Variants in THADA observed in about 807,000 individuals in gnomAD.
THADA encodes the protein THADA armadillo repeat containing.
THADA carries 213 observed loss-of-function variants against 219.8 expected under a neutral mutation model. The observed-to-expected ratio is 0.97, with a 90% confidence interval of 0.87 to 1.09. THADA has a LOEUF of 1.09. THADA is among the 50% of genes least tolerant of loss of function. THADA has a pLI of 0.00. For missense variants in THADA, 2,956 were observed against 2,311.3 expected (o/e 1.28, Z -5.72); for synonymous variants, 1,018 against 828.9 (o/e 1.23, Z -3.92).
Position 43,577,085 on chromosome 2 carries a change from A to G in THADA, c.974T>C (p.Met325Thr). 6.2e-7 allele frequency: 1 copy of G among 1,613,596 alleles called. No homozygotes were observed. The highest frequency in any genetic ancestry group is 1.1e-5 in the South Asian group (1 of 90,872). Residue 325 changes from methionine (M) to threonine (T), a missense_variant, in exon 10 of 38, where the codon ATG becomes ACG. Transcript: ENST00000405975. ...LAMLDWQNGS[M>T]GRSGEALLLD... Reference sequence around the variant, plus strand: ...GAGCAGGGCCTCCCCACTCCGACCCATGCTTCCGTTCTGCCAGTCCAACAT... The same window carrying G: ...GAGCAGGGCCTCCCCACTCCGACCCGTGCTTCCGTTCTGCCAGTCCAACAT...
intron 25 of THADA, among the ~76,000 whole-genome samples, chr2:43,495,364 T>C (rs560590168): frequency 6.6e-6 from 1 of 152,056 alleles, no homozygotes; most frequent in Non-Finnish European, 1.5e-5. Context: ...GAAATAAAAT[T>C]ATTAGTATTA....
At chr2:43,404,620 T>C (rs1382308674) in intron 28 of THADA, among the ~76,000 whole-genome samples, 2 of 152,180 alleles carry the variant, frequency 1.3e-5, no homozygotes, top group Non-Finnish European at 2.9e-5. Context: ...GCATCTCACT[T>C]ACCTTCCCCA....
At chr2:43,595,590 T>C (rs959138552) in intron 1 of THADA, 12 of 152,412 alleles carry the variant, frequency 7.9e-5, no homozygotes, top group Admixed American at 3.3e-4. Context: ...AAATCCCGTG[T>C]CTACCGCAAG....
intron 36 of THADA, among the ~76,000 whole-genome samples, chr2:43,241,498 G>A (rs1267991326): frequency 2.0e-5 from 3 of 148,888 alleles, no homozygotes; most frequent in South Asian, 2.2e-4. Context: ...CAGCTAAACT[G>A]TACTAAACAG....
intron 25 of THADA, among the ~76,000 whole-genome samples, chr2:43,487,099 C>T (rs907007716): frequency 6.6e-6 from 1 of 152,170 alleles, no homozygotes; most frequent in African/African-American, 2.4e-5. Flanking sequence ...ATGTGCCCTG[C>T]CTAATTTAAT....
At chr2:43,353,195 A>G (rs962190695) in intron 29 of THADA, among the ~76,000 whole-genome samples, 11 of 152,208 alleles carry the variant, frequency 7.2e-5, no homozygotes, top group African/African-American at 2.7e-4. Context: ...ACACACCCAG[A>G]AGCAGGATTT....
chr2:43,289,808 C>CA (rs1674475640), intron 34 of THADA, among the ~76,000 whole-genome samples: 1 of 151,936 alleles, frequency 6.6e-6, no homozygotes, highest in Non-Finnish European at 1.5e-5. Flanking sequence ...CATACCACCA[C>CA]ATCTGGCTAA....
intron 11 of THADA, 40 bp from the exon 12 acceptor site, chr2:43,573,032 A>G (rs1699475314): frequency 1.3e-6 from 2 of 1,491,494 alleles, no homozygotes; most frequent in Non-Finnish European, 1.8e-6. Flanking sequence ...GTATTATGCA[A>G]TGACTACTAT....
intron 26 of THADA, among the ~76,000 whole-genome samples, chr2:43,455,025 C>G (rs936563099): frequency 6.6e-6 from 1 of 151,684 alleles, no homozygotes. Flanking sequence ...TTCTTTAGTT[C>G]TACATGTTCT....
At position 43,271,285 on chromosome 2, in the gene THADA, T is replaced by C. The variant is rs542448569; in HGVS notation, c.5296+8480A>G. Among the ~76,000 whole-genome samples the C allele has an allele frequency of 1.3e-4, 20 of 152,306 alleles. No homozygotes were observed. The South Asian group carries it at 3.1e-3, about 24-fold the overall frequency. On this transcript the variant is annotated intron_variant, in intron 36 of 37. Transcript: ENST00000405975. ...GATTTTCTACAGTGGCCAGTCTTAG[T>C]AGATGCTTCATCAGTTCCTCATCAG...
Position 43,430,318 on chromosome 2 carries a change from GA to G in THADA, c.3837-17del. On this transcript the variant is annotated splice_polypyrimidine_tract_variant and intron_variant, in intron 26 of 37. Transcript: ENST00000405975. Reference sequence around the variant, plus strand: ...CCCTGTCATTCTGTGAAAGAAGGAGGAAAAAATTTATTATCATTTATTCCCT... The same window carrying G: ...CCCTGTCATTCTGTGAAAGAAGGAGGAAAAATTTATTATCATTTATTCCCT... 1.4e-6 allele frequency: 2 copies of G among 1,452,178 alleles called. No homozygotes were observed. Among genetic ancestry groups the G allele is most frequent in the Non-Finnish European group, 1.9e-6 (2 of 1,071,898 alleles). The allele number at this position is 1,452,178 out of a possible 1,614,324, so 90.0% of individuals were successfully genotyped here.
At chr2:43,473,031 C>G (rs1249449028) in intron 26 of THADA, among the ~76,000 whole-genome samples, 3 of 152,146 alleles carry the variant, frequency 2.0e-5, no homozygotes, top group African/African-American at 7.2e-5. Flanking sequence ...GCCTAGAACA[C>G]TGCTGTACAC....
intron 21 of THADA, among the ~76,000 whole-genome samples, chr2:43,536,222 G>A (rs1268513652): frequency 6.6e-6 from 1 of 152,158 alleles, no homozygotes; most frequent in Non-Finnish European, 1.5e-5. Context: ...TTTACCCAAT[G>A]AGAGTTCGTG....
At chr2:43,559,387 G>A (rs941405863) in intron 16 of THADA, among the ~76,000 whole-genome samples, 6 of 152,182 alleles carry the variant, frequency 3.9e-5, no homozygotes, top group African/African-American at 1.4e-4. Context: ...TCTCTGGCAT[G>A]TGATCCTACA....
intron 29 of THADA, among the ~76,000 whole-genome samples, chr2:43,367,783 A>G (rs773345034): frequency 3.2e-4 from 49 of 152,304 alleles, no homozygotes; most frequent in Non-Finnish European, 5.7e-4. Context: ...TTGGAGAGAA[A>G]AAAGCCCACA....
chr2:43,384,260 C>G (rs1672374213), intron 29 of THADA, among the ~76,000 whole-genome samples: 1 of 152,160 alleles, frequency 6.6e-6, no homozygotes, highest in East Asian at 1.9e-4. Context: ...CTTCAAGACA[C>G]ATTTACTGAA....
At chr2:43,239,272 C>G (rs1373611617) in intron 36 of THADA, among the ~76,000 whole-genome samples, 2 of 152,222 alleles carry the variant, frequency 1.3e-5, no homozygotes, top group South Asian at 4.1e-4. Context: ...GCTCCCCATC[C>G]AAGGCAGATG....
At chr2:43,559,420 A>G (rs544501090) in intron 16 of THADA, among the ~76,000 whole-genome samples, 86 of 152,322 alleles carry the variant, frequency 5.6e-4, no homozygotes, top group Non-Finnish European at 1.1e-3. Context: ...TCTACAAGCT[A>G]CCATGCCCTA....
At chr2:43,312,449 T>C (rs1677622332) in intron 31 of THADA, among the ~76,000 whole-genome samples, 2 of 152,146 alleles carry the variant, frequency 1.3e-5, no homozygotes, top group South Asian at 4.1e-4. Flanking sequence ...GTCACTTAAA[T>C]TGCTATGATC....
Sources: gnomAD v4.1 joint callset for allele counts (sites outside exome capture counted in the v4.1 genomes callset) on GRCh38, gnomAD v4.1.1 for gene constraint, MANE v1.5 for transcripts, NCBI Gene and HGNC (gene_info 2026-07-23, HGNC 2026-07-21) for gene names.